Variants in GALNS observed in about 807,000 individuals in gnomAD.
The protein encoded by GALNS is N-acetylgalactosamine-6-sulfatase.
In GALNS, 65 loss-of-function variants were observed where a neutral mutation model predicts 65.9. The ratio of observed to expected loss-of-function variants is 0.99; its 90% CI spans 0.81 to 1.21. The LOEUF (loss-of-function observed/expected upper bound fraction) is 1.21. Among genes scored for constraint, GALNS ranks in the 50% most tolerant of loss-of-function variants. The pLI is 0.00. For synonymous variants in GALNS, 346 were observed against 288.9 expected, an observed-to-expected ratio of 1.20 and a Z score of -2.00; for missense variants, 776 against 700.7, an observed-to-expected ratio of 1.11 and a Z score of -1.21.
intron 13 of GALNS, chr16:88,816,198 C>T (rs1281825802): frequency 3.0e-6 from 3 of 985,350 alleles, no homozygotes; most frequent in African/African-American, 3.5e-5. Flanking sequence ...ATGGCAGTGG[C>T]AGCCAGGCTG....
At position 88,814,540 on chromosome 16, in the gene GALNS, T is replaced by C. The variant is rs1461992033; in HGVS notation, c.1483-15A>G. The C allele has an allele frequency of 1.1e-5, 17 of 1,551,932 alleles. No homozygotes were observed. The highest frequency in any genetic ancestry group is 1.5e-5 in the Non-Finnish European group (17 of 1,147,494). On this transcript the variant is annotated splice_polypyrimidine_tract_variant and intron_variant, in intron 13 of 13. Transcript: ENST00000268695. ...GGTGCCCAGTTCTGGGAAATGAAAATTGAGAAAAAGAACATGCAGTTATTC... is the reference window on the plus strand; with the variant it reads ...GGTGCCCAGTTCTGGGAAATGAAAACTGAGAAAAAGAACATGCAGTTATTC...
At chr16:88,846,644 C>T (rs1288334530) in intron 1 of GALNS, among the ~76,000 whole-genome samples, 2 of 151,252 alleles carry the variant, frequency 1.3e-5, no homozygotes, top group Non-Finnish European at 2.9e-5. Flanking sequence ...CGGGTTCAAG[C>T]GATTACTCCT....
In GALNS at chr16:88,847,887, G is replaced by C. The variant is rs111925141; in HGVS notation, c.121-5058C>G. The stretch of plus-strand genomic sequence containing the variant: ...GAAAAGTGTGTCCACGTGGAAACCT[G>C]TGCATGAACCAACACCCACAGCGGC... On this transcript the variant is annotated intron_variant, in intron 1 of 13. Coordinates refer to ENST00000268695, the MANE Select transcript of GALNS (RefSeq NM_000512.5). 3.6e-3 allele frequency among the ~76,000 whole-genome samples: 550 copies of C among 152,336 alleles called. 2 individuals carry two copies. The highest frequency in any genetic ancestry group is 0.012 in the African/African-American group (515 of 41,578).
rs1442993579 is a variant in GALNS, at chr16:88,856,944, G to A, written c.-67C>T. ...CTAGCGAGCGTCCGCCGGCCCTTCC[G>A]GCTGGGCTGCGGGGCGGGGCCTGGA... On this transcript the variant is annotated 5_prime_UTR_variant, in exon 1 of 14. Coordinates refer to ENST00000268695, the MANE Select transcript of GALNS (RefSeq NM_000512.5). 6 of 1,454,482 alleles carry A rather than the reference G, an allele frequency of 4.1e-6. No homozygotes were observed. The highest frequency in any genetic ancestry group is 5.4e-6 in the Non-Finnish European group (6 of 1,112,956). 90.1% of individuals were successfully genotyped at this position (1,454,482 alleles called of 1,614,324 possible).
At chr16:88,828,614 G>T (rs939713630) in intron 9 of GALNS, among the ~76,000 whole-genome samples, 1 of 152,244 alleles carries the variant, frequency 6.6e-6, no homozygotes, top group Non-Finnish European at 1.5e-5. Flanking sequence ...GTGGCTCTGG[G>T]AAGAGGGTTT....
chr16:88,828,799 G>A (rs1023335845), intron 9 of GALNS, among the ~76,000 whole-genome samples: 2 of 152,236 alleles, frequency 1.3e-5, no homozygotes, highest in African/African-American at 4.8e-5. Context: ...GCCGGGCGGC[G>A]CTGGGGTGGC....
chr16:88,844,735 C>A (rs1164811571), intron 1 of GALNS: 1 of 152,260 alleles, frequency 6.6e-6, no homozygotes, highest in African/African-American at 2.4e-5. Context: ...TTCACAGGCC[C>A]AGCTGCATTC....
chr16:88,830,485 G>GC (rs71808981), intron 9 of GALNS, among the ~76,000 whole-genome samples: 41 of 151,914 alleles, frequency 2.7e-4, no homozygotes, highest in East Asian at 9.7e-4. Flanking sequence ...GCCACTGGGA[G>GC]CCCCCCCCAT....
At chr16:88,843,828 T>C (rs530691362) in intron 1 of GALNS, 4 of 152,982 alleles carry the variant, frequency 2.6e-5, no homozygotes, top group African/African-American at 9.7e-5. Flanking sequence ...TACCCAACCA[T>C]CGAAAGGAAG....
intron 1 of GALNS, among the ~76,000 whole-genome samples, chr16:88,845,960 C>G (rs1967225110): frequency 6.6e-6 from 1 of 152,124 alleles, no homozygotes; most frequent in African/African-American, 2.4e-5. Context: ...AGCACTCCAG[C>G]CTGGGCAACA....
chr16:88,826,340 C>G (rs188342174), intron 10 of GALNS, among the ~76,000 whole-genome samples: 1,419 of 57,416 alleles, frequency 0.025, 11 homozygotes, highest in East Asian at 0.046. Context: ...AACAGGGGTG[C>G]GGCGGACAGG....
chr16:88,855,193 C>T (rs1967738459), intron 1 of GALNS: 2 of 683,952 alleles, frequency 2.9e-6, no homozygotes, highest in Non-Finnish European at 2.7e-6. Context: ...AAGTCTTCAA[C>T]ATAAAAAATT....
At position 88,830,093 on chromosome 16, in the gene GALNS, T is replaced by G. The variant is rs76038065; in HGVS notation, c.1002+1905A>C. ...TAAAAATACAAAAATTAGCCGGGCA[T>G]GGTAGAGCATGCCTGTAGTCCCAGC... On this transcript the variant is annotated intron_variant, in intron 9 of 13. Coordinates refer to ENST00000268695, the MANE Select transcript of GALNS (RefSeq NM_000512.5). Among the ~76,000 whole-genome samples, 534 of 151,864 alleles carry G rather than the reference T, an allele frequency of 3.5e-3. 3 individuals carry two copies. Among genetic ancestry groups the G allele is most frequent in the African/African-American group, 0.012 (489 of 41,438 alleles).
chr16:88,855,925 A>G, intron 1 of GALNS: 1 of 546,468 alleles, frequency 1.8e-6, no homozygotes, highest in East Asian at 3.1e-5. Flanking sequence ...CTCACACACA[A>G]CGTGAGCACG....
At chr16:88,836,122 A>G in intron 6 of GALNS, 79 bp downstream of exon 6, 5 of 1,357,364 alleles carry the variant, frequency 3.7e-6, no homozygotes, top group Middle Eastern at 1.8e-4. Context: ...TCCTGTCCCC[A>G]CGCCTCCCAC....
chr16:88,835,155 A>G lies in GALNS; in HGVS notation c.898+58T>C, dbSNP rs1393182393. The G allele has an allele frequency of 1.9e-6, 3 of 1,550,268 alleles. No homozygotes were observed. In the African/African-American group the frequency reaches 4.1e-5, roughly 21 times the overall value. On this transcript the variant is annotated intron_variant, in intron 8 of 13. Transcript: ENST00000268695. ...CCCCGTGGGCACAGCCGGTCCAGGCACTCTTCGCTGACACGCTGGCTGTGG... is the reference window on the plus strand; with the variant it reads ...CCCCGTGGGCACAGCCGGTCCAGGCGCTCTTCGCTGACACGCTGGCTGTGG...
intron 8 of GALNS, among the ~76,000 whole-genome samples, chr16:88,832,962 C>T (rs952373829): frequency 6.6e-6 from 1 of 151,090 alleles, no homozygotes; most frequent in African/African-American, 2.4e-5. Context: ...CCTGTAGTCC[C>T]AGCTACTCAG....
chr16:88,850,341 C>T (rs11860725), intron 1 of GALNS, among the ~76,000 whole-genome samples: 2,410 of 152,290 alleles, frequency 0.016, 48 homozygotes, highest in African/African-American at 0.056. Flanking sequence ...CTGGCCTCCC[C>T]AGAAGGTCGG....
intron 9 of GALNS, among the ~76,000 whole-genome samples, chr16:88,830,277 G>A (rs1009701166): frequency 7.3e-5 from 11 of 151,362 alleles, no homozygotes; most frequent in African/African-American, 2.7e-4. Flanking sequence ...GAAGGCCAGG[G>A]ACAGATGCCT....
Sources: allele counts gnomAD v4.1 joint callset (sites outside exome capture counted in the v4.1 genomes callset), GRCh38; gene constraint gnomAD v4.1.1; transcripts MANE v1.5; gene names NCBI Gene and HGNC (gene_info 2026-07-23, HGNC 2026-07-21).